The following LINGO2 variants were observed in gnomAD, a reference collection of about 807,000 sequenced individuals.
LINGO2 encodes the protein leucine rich repeat and Ig domain containing 2.
Under a neutral mutation model 30.6 loss-of-function variants are expected in LINGO2, and 14 were observed. The ratio of observed to expected loss-of-function variants is 0.46; its 90% confidence interval spans 0.30 to 0.72. LINGO2 has a LOEUF of 0.72. Among genes scored for constraint, LINGO2 ranks in the 30% least tolerant of loss-of-function variants. The pLI, the probability that LINGO2 is intolerant of heterozygous loss-of-function variation, is 0.07. For synonymous variants in LINGO2, 317 were observed against 288.5 expected (o/e 1.10, Z -1.00); for missense variants, 729 against 751.7 (o/e 0.97, Z 0.35).
chr9:28,731,252 G>A, the LINGO2 span, among the ~76,000 whole-genome samples: 116 of 152,180 alleles, frequency 7.6e-4, 1 homozygote, highest in African/African-American at 2.6e-3. Flanking sequence ...GCCTCCCAAG[G>A]TGTTGGGATT....
chr9:29,075,869 G>A, the LINGO2 span, among the ~76,000 whole-genome samples: 2 of 152,060 alleles, frequency 1.3e-5, no homozygotes, highest in African/African-American at 4.8e-5. Context: ...CATGCTACAT[G>A]AATGCTAAGC....
chr9:28,808,367 G>C, the LINGO2 span, among the ~76,000 whole-genome samples: 1 of 152,088 alleles, frequency 6.6e-6, no homozygotes, highest in South Asian at 2.1e-4. Context: ...TGTTTTCAAT[G>C]ACTTTTTTTG....
At chr9:28,998,200 T>A in the LINGO2 span, among the ~76,000 whole-genome samples, 1 of 152,128 alleles carries the variant, frequency 6.6e-6, no homozygotes, top group Admixed American at 6.5e-5. Context: ...TGATTATTAA[T>A]GCCTGTTTTG....
At chr9:28,918,125 G>A in the LINGO2 span, among the ~76,000 whole-genome samples, 1 of 152,118 alleles carries the variant, frequency 6.6e-6, no homozygotes, top group Non-Finnish European at 1.5e-5. Flanking sequence ...AAGAAAAAAG[G>A]CTTAATCGGA....
chr9:28,557,020 G>A (rs1249037718), intron 1 of LINGO2, among the ~76,000 whole-genome samples: 26 of 151,180 alleles, frequency 1.7e-4, no homozygotes, highest in Admixed American at 1.6e-3. Flanking sequence ...AGACTTAAAC[G>A]TTAGACCTAA....
chr9:28,168,969 G>T (rs563825982), intron 4 of LINGO2, among the ~76,000 whole-genome samples: 1 of 152,272 alleles, frequency 6.6e-6, no homozygotes, highest in East Asian at 1.9e-4. Context: ...GCTGGTCTGT[G>T]CCAGGTACTA....
chr9:28,088,475 T>C (rs545563725), intron 4 of LINGO2, among the ~76,000 whole-genome samples: 3 of 152,186 alleles, frequency 2.0e-5, no homozygotes, highest in Admixed American at 2.0e-4. Flanking sequence ...TTCCATCTGA[T>C]TCTGGTTTTC....
chr9:28,616,365 T>G (rs1049376539), intron 1 of LINGO2, among the ~76,000 whole-genome samples: 1 of 152,152 alleles, frequency 6.6e-6, no homozygotes, highest in Non-Finnish European at 1.5e-5. Flanking sequence ...TCCCACTTAA[T>G]GTCAGTCCGT....
chr9:29,085,546 G>A, the LINGO2 span, among the ~76,000 whole-genome samples: 1 of 151,700 alleles, frequency 6.6e-6, no homozygotes, highest in African/African-American at 2.4e-5. Flanking sequence ...TAAATTTGAG[G>A]GTCCACATGA....
intron 5 of LINGO2, among the ~76,000 whole-genome samples, chr9:27,993,040 G>A (rs1821477144): frequency 6.6e-6 from 1 of 152,048 alleles, no homozygotes; most frequent in Non-Finnish European, 1.5e-5. Flanking sequence ...TCATTGTCTG[G>A]ATAAAAATCA....
intron 1 of LINGO2, among the ~76,000 whole-genome samples, chr9:28,517,068 A>T (rs1416759363): frequency 1.3e-5 from 2 of 152,208 alleles, no homozygotes; most frequent in Non-Finnish European, 2.9e-5. Context: ...CGTGCCTGGT[A>T]GGCAGAATAA....
the LINGO2 span, among the ~76,000 whole-genome samples, chr9:28,871,751 T>C: frequency 6.6e-6 from 1 of 151,944 alleles, no homozygotes; most frequent in Non-Finnish European, 1.5e-5. Flanking sequence ...ATGAGAGACG[T>C]TGGTTCAAAT....
At chr9:28,868,415 G>C in the LINGO2 span, among the ~76,000 whole-genome samples, 5 of 152,046 alleles carry the variant, frequency 3.3e-5, no homozygotes, top group African/African-American at 7.2e-5. Flanking sequence ...GCATGTGTGT[G>C]TGTCTGCATG....
intron 3 of LINGO2, among the ~76,000 whole-genome samples, chr9:28,349,971 G>A (rs942219221): frequency 2.6e-5 from 4 of 152,064 alleles, no homozygotes; most frequent in Admixed American, 6.5e-5. Flanking sequence ...TCACCACCAG[G>A]CCTACCTTAA....
At chr9:28,855,026 G>A in the LINGO2 span, among the ~76,000 whole-genome samples, 1 of 151,966 alleles carries the variant, frequency 6.6e-6, no homozygotes, top group Non-Finnish European at 1.5e-5. Context: ...TATCAATGAA[G>A]TTGTGAATGA....
chr9:28,577,190 T>C (rs1204239084), intron 1 of LINGO2, among the ~76,000 whole-genome samples: 2 of 152,208 alleles, frequency 1.3e-5, no homozygotes, highest in African/African-American at 4.8e-5. Flanking sequence ...TAGGAGTATT[T>C]AAATGATTAT....
At chr9:28,119,325 C>T (rs934363752) in intron 4 of LINGO2, among the ~76,000 whole-genome samples, 1 of 152,114 alleles carries the variant, frequency 6.6e-6, no homozygotes. Flanking sequence ...TGGGGTTTCA[C>T]CACGTTCTCC....
chr9:28,232,062 T>C (rs1821374886), intron 4 of LINGO2, among the ~76,000 whole-genome samples: 1 of 152,084 alleles, frequency 6.6e-6, no homozygotes, highest in Non-Finnish European at 1.5e-5. Flanking sequence ...CTATGTCTCT[T>C]ATATATTGGT....
chr9:28,640,404 C>A (rs565853613), intron 1 of LINGO2, among the ~76,000 whole-genome samples: 5 of 152,020 alleles, frequency 3.3e-5, no homozygotes, highest in African/African-American at 1.2e-4. Flanking sequence ...TGGATAATAT[C>A]CTGCAGAGTG....
Sources: allele counts gnomAD v4.1 joint callset (sites outside exome capture counted in the v4.1 genomes callset), GRCh38; gene constraint gnomAD v4.1.1; transcripts MANE v1.5; gene names NCBI Gene and HGNC (gene_info 2026-07-23, HGNC 2026-07-21).